The following DSCAM variants were observed in gnomAD, a reference collection of about 807,000 sequenced individuals.
DSCAM encodes the protein cell adhesion molecule DSCAM.
DSCAM carries 47 observed loss-of-function variants against 217.7 expected under a neutral mutation model. The observed-to-expected ratio is 0.22, with a 90% CI of 0.17 to 0.28. The LOEUF is 0.28. DSCAM is among the 10% of genes least tolerant of loss of function. DSCAM has a pLI of 1.00. For synonymous variants in DSCAM, 1,056 were observed against 1,015.3 expected (o/e 1.04, Z -0.76); for missense variants, 2,080 against 2,618.3 (o/e 0.79, Z 4.49).
At chr21:40,576,706 C>T (rs987236343) in intron 3 of DSCAM, among the ~76,000 whole-genome samples, 4 of 151,948 alleles carry the variant, frequency 2.6e-5, no homozygotes, top group African/African-American at 9.6e-5. Context: ...ATATATAGAA[C>T]TCCTGAAAAA....
chr21:40,600,226 T>C (rs1317618574), intron 3 of DSCAM, among the ~76,000 whole-genome samples: 1 of 152,132 alleles, frequency 6.6e-6, no homozygotes. Context: ...GAAAATACCA[T>C]CAACTGGGTA....
At chr21:40,774,495 G>A (rs1393910640) in intron 1 of DSCAM, among the ~76,000 whole-genome samples, 2 of 152,204 alleles carry the variant, frequency 1.3e-5, no homozygotes, top group African/African-American at 4.8e-5. Context: ...CTGGCCATGT[G>A]GTTGATGATC....
chr21:40,483,995 T>C (rs1048566505), intron 3 of DSCAM, among the ~76,000 whole-genome samples: 2 of 152,368 alleles, frequency 1.3e-5, no homozygotes, highest in African/African-American at 2.4e-5. Context: ...ATTTTGGCTA[T>C]TGGCCAATAA....
chr21:40,635,491 T>C (rs1601808751), intron 3 of DSCAM, among the ~76,000 whole-genome samples: 1 of 152,194 alleles, frequency 6.6e-6, no homozygotes. Context: ...GCAGGCAGTC[T>C]GGCCAGCCAG....
chr21:40,504,128 C>T (rs993327314), intron 3 of DSCAM, among the ~76,000 whole-genome samples: 2 of 151,706 alleles, frequency 1.3e-5, no homozygotes, highest in African/African-American at 4.9e-5. Flanking sequence ...AATGAACAGT[C>T]TGAGGCTTAG....
intron 1 of DSCAM, among the ~76,000 whole-genome samples, chr21:40,820,014 T>C (rs2091912682): frequency 1.3e-5 from 2 of 151,900 alleles, no homozygotes; most frequent in African/African-American, 4.8e-5. Context: ...TAGGGATATA[T>C]AAATAAAGGC....
At chr21:40,607,272 G>A (rs999196087) in intron 3 of DSCAM, among the ~76,000 whole-genome samples, 1 of 152,100 alleles carries the variant, frequency 6.6e-6, no homozygotes, top group Non-Finnish European at 1.5e-5. Context: ...TGCCTGTGCT[G>A]TGAAATCACA....
intron 23 of DSCAM, among the ~76,000 whole-genome samples, 168 bp downstream of exon 23, chr21:40,085,434 T>C (rs1207106438): frequency 6.6e-6 from 1 of 152,226 alleles, no homozygotes; most frequent in African/African-American, 2.4e-5. Flanking sequence ...TTTCTTTGAT[T>C]TGTTTAATTA....
chr21:40,315,862 T>C (rs932464577), intron 8 of DSCAM, among the ~76,000 whole-genome samples: 1 of 152,130 alleles, frequency 6.6e-6, no homozygotes, highest in African/African-American at 2.4e-5. Context: ...TTCAGGCATA[T>C]TGAAGAGGGC....
At chr21:40,235,819 C>G (rs2091424889) in intron 11 of DSCAM, among the ~76,000 whole-genome samples, 1 of 151,838 alleles carries the variant, frequency 6.6e-6, no homozygotes, top group Admixed American at 6.6e-5. Context: ...CAGCCATCAT[C>G]ATTACTGAGA....
chr21:40,013,747 C>T (rs1053098177), intron 32 of DSCAM, among the ~76,000 whole-genome samples: 12 of 152,302 alleles, frequency 7.9e-5, no homozygotes, highest in African/African-American at 2.6e-4. Flanking sequence ...GACCAAACCC[C>T]GCATGTGATT....
At position 40,476,554 on chromosome 21, in the gene DSCAM, C is replaced by T. The variant is rs116240768; in HGVS notation, c.509-107309G>A. 7.3e-3 allele frequency among the ~76,000 whole-genome samples: 1,118 copies of T among 152,246 alleles called. 19 individuals are homozygous for T. Among genetic ancestry groups the T allele is most frequent in the African/African-American group, 0.026 (1,073 of 41,536 alleles). ...TAGAGTTTGCTCACAACCTTATCAG[C>T]TAAAATGTTTGTGGTCTTAACTAAA... On this transcript the variant is annotated intron_variant, in intron 3 of 32. Coordinates refer to ENST00000400454, the MANE Select transcript of DSCAM (RefSeq NM_001389.5).
chr21:40,053,943 G>A (rs973278845), intron 29 of DSCAM, among the ~76,000 whole-genome samples: 3 of 152,150 alleles, frequency 2.0e-5, no homozygotes, highest in Non-Finnish European at 2.9e-5. Context: ...TATAACCATG[G>A]TGACCTCCAC....
At chr21:40,491,248 G>A (rs1437694737) in intron 3 of DSCAM, among the ~76,000 whole-genome samples, 1 of 152,074 alleles carries the variant, frequency 6.6e-6, no homozygotes, top group Non-Finnish European at 1.5e-5. Flanking sequence ...ATTCTGGGAG[G>A]TTATTGGTAA....
intron 2 of DSCAM, among the ~76,000 whole-genome samples, chr21:40,706,193 A>AG (rs1411796163): frequency 9.4e-5 from 14 of 148,954 alleles, no homozygotes; most frequent in Non-Finnish European, 1.9e-4. Context: ...AAAAAAAAAA[A>AG]AAAGAAAGAA....
intron 3 of DSCAM, among the ~76,000 whole-genome samples, chr21:40,439,631 G>T (rs1002024094): frequency 1.3e-5 from 2 of 152,104 alleles, no homozygotes; most frequent in Non-Finnish European, 2.9e-5. Flanking sequence ...TTACAATGCT[G>T]ATAAAGACAT....
chr21:40,050,005 C>G (rs2837391), intron 30 of DSCAM, among the ~76,000 whole-genome samples: 27,665 of 152,186 alleles, frequency 0.18, 2,989 homozygotes, highest in Non-Finnish European at 0.25. Context: ...TGCTTTTTAC[C>G]TGGCAGGAAG....
chr21:40,707,536 T>C (rs1385977056), intron 2 of DSCAM, among the ~76,000 whole-genome samples: 1 of 152,182 alleles, frequency 6.6e-6, no homozygotes, highest in Non-Finnish European at 1.5e-5. Flanking sequence ...ACCTCATATT[T>C]TTCTCATGTT....
intron 11 of DSCAM, among the ~76,000 whole-genome samples, chr21:40,206,655 A>G (rs990837900): frequency 1.3e-5 from 2 of 150,894 alleles, no homozygotes; most frequent in Non-Finnish European, 2.9e-5. Context: ...GGTAGTAAAC[A>G]TTTCTAATCC....
Sources: gnomAD v4.1 joint callset for allele counts (sites outside exome capture counted in the v4.1 genomes callset) on GRCh38, gnomAD v4.1.1 for gene constraint, MANE v1.5 for transcripts, NCBI Gene and HGNC (gene_info 2026-07-23, HGNC 2026-07-21) for gene names.